The following TRHDE variants were observed in gnomAD, a reference collection of about 807,000 sequenced individuals.
TRHDE encodes thyrotropin-releasing hormone-degrading ectoenzyme.
In TRHDE, 72 loss-of-function variants were observed where a neutral mutation model predicts 125.7. The observed-to-expected ratio is 0.57, with a 90% CI of 0.47 to 0.70. The LOEUF (loss-of-function observed/expected upper bound fraction) is 0.70, where lower values mean the gene tolerates loss of function less well. TRHDE is among the 30% of genes least tolerant of loss of function. The pLI is 0.00. For synonymous variants in TRHDE, 509 were observed against 509.1 expected (o/e 1.00, Z 0.00); for missense variants, 1,110 against 1,327.1 (o/e 0.84, Z 2.54).
chr12:72,393,610 A>C (rs1348230523), intron 3 of TRHDE, among the ~76,000 whole-genome samples: 4 of 152,194 alleles, frequency 2.6e-5, no homozygotes, highest in East Asian at 1.9e-4. Flanking sequence ...TCTGTTGTCA[A>C]ACATATCAGT....
intron 2 of TRHDE, among the ~76,000 whole-genome samples, chr12:72,298,566 G>A (rs1449185093): frequency 6.6e-6 from 1 of 152,092 alleles, no homozygotes; most frequent in African/African-American, 2.4e-5. Flanking sequence ...ATCCAAGAGA[G>A]GTAGAATGTT....
At chr12:72,105,178 T>C (rs1371637248) in intron 1 of TRHDE, among the ~76,000 whole-genome samples, 1 of 152,118 alleles carries the variant, frequency 6.6e-6, no homozygotes, top group East Asian at 1.9e-4. Flanking sequence ...TCAGCAGCAG[T>C]ACAAGGAAGT....
chr12:72,483,284 G>T lies in TRHDE; in HGVS notation c.1584+10104G>T, dbSNP rs1450320506. Among the ~76,000 whole-genome samples the T allele has an allele frequency of 4.0e-5, 6 of 151,802 alleles. No homozygotes were observed. In the East Asian group the frequency reaches 1.2e-3, roughly 29 times the overall value. ...AGTAATGAATGCTACTTTACAGTTA[G>T]CCAGAATGAAGTTCAATTCCTTTTT... On this transcript the variant is annotated intron_variant, in intron 5 of 18. Coordinates refer to ENST00000261180, the MANE Select transcript of TRHDE (RefSeq NM_013381.3).
At chr12:72,452,277 C>T (rs1313191951) in intron 3 of TRHDE, among the ~76,000 whole-genome samples, 1 of 151,826 alleles carries the variant, frequency 6.6e-6, no homozygotes, top group Non-Finnish European at 1.5e-5. Flanking sequence ...CTACTGATTT[C>T]TGTATATTAA....
rs7137812 is a variant in TRHDE, at chr12:72,364,962, G to A, written c.1189-13033G>A. Among the ~76,000 whole-genome samples, 216 of 152,172 alleles carry A rather than the reference G, an allele frequency of 1.4e-3. 1 individual carries two copies. The highest frequency in any genetic ancestry group is 5.0e-3 in the African/African-American group (207 of 41,536). ...ACAAACAAATGAACAACCAAAAAGT[G>A]CAGTTCAATTTTCTACAAAAGAGGT... On this transcript the variant is annotated intron_variant, in intron 2 of 18. Transcript: ENST00000261180.
intron 3 of TRHDE, among the ~76,000 whole-genome samples, chr12:72,465,084 T>C (rs112856203): frequency 0.017 from 2,559 of 152,318 alleles, 29 homozygotes; most frequent in Non-Finnish European, 0.026. Context: ...GAGTTATGGG[T>C]ATACATTTTA....
In TRHDE at chr12:72,286,930, A is replaced by C. The variant is rs529783117; in HGVS notation, c.1164A>C (p.Glu388Asp). The change falls in exon 2 of 19, where the codon GAA becomes GAC. Residue 388 changes from glutamate (E) to aspartate (D), a missense_variant. Physicochemically the swap from Glu to Asp is conservative, Grantham distance 45. Transcript: ENST00000261180. The part of the protein sequence containing the change: ...AWAICNFTYR[E>D]TTTKSGVVVR... ...CAATTTGCAACTTCACATACAGAGA[A>C]ACTACCACCAAGAGTGGGGTTGTAG... The C allele has an allele frequency of 2.5e-6, 4 of 1,613,958 alleles. No homozygotes were observed. Among genetic ancestry groups the C allele is most frequent in the Non-Finnish European group, 3.4e-6 (4 of 1,179,954 alleles).
At chr12:72,266,368 G>A (rs1879069646) in intron 2 of TRHDE, among the ~76,000 whole-genome samples, 1 of 151,782 alleles carries the variant, frequency 6.6e-6, no homozygotes, top group South Asian at 2.1e-4. Context: ...GCATTGAAGA[G>A]GTAGATTCCT....
chr12:72,572,773 T>TAA (rs1870808948), intron 10 of TRHDE, among the ~76,000 whole-genome samples: 1 of 152,062 alleles, frequency 6.6e-6, no homozygotes, highest in Non-Finnish European at 1.5e-5. Flanking sequence ...ATATACATAT[T>TAA]AACTTAAATT....
intron 6 of TRHDE, among the ~76,000 whole-genome samples, chr12:72,526,453 A>G (rs772666940): frequency 2.0e-5 from 3 of 152,144 alleles, no homozygotes; most frequent in Admixed American, 6.5e-5. Context: ...TAAGCTCGTA[A>G]TTGATATTTT....
At chr12:72,374,229 T>C (rs1592398857) in intron 2 of TRHDE, among the ~76,000 whole-genome samples, 1 of 151,682 alleles carries the variant, frequency 6.6e-6, no homozygotes, top group African/African-American at 2.4e-5. Context: ...GGGTTGGGTA[T>C]GGACAGCTGG....
At chr12:72,553,468 G>T (rs748797296) in intron 7 of TRHDE, among the ~76,000 whole-genome samples, 6 of 152,082 alleles carry the variant, frequency 3.9e-5, no homozygotes, top group Non-Finnish European at 8.8e-5. Context: ...AGTAAGATTA[G>T]TGTCTTTATT....
chr12:72,372,488 G>A (rs968160429), intron 2 of TRHDE, among the ~76,000 whole-genome samples: 1 of 152,178 alleles, frequency 6.6e-6, no homozygotes, highest in African/African-American at 2.4e-5. Context: ...GAATGGTAAT[G>A]CCTAGGTTTT....
At chr12:72,494,894 T>G (rs945162435) in intron 5 of TRHDE, among the ~76,000 whole-genome samples, 6 of 151,988 alleles carry the variant, frequency 3.9e-5, no homozygotes, top group Non-Finnish European at 7.4e-5. Context: ...AGCACTCGCC[T>G]CTTATCTTAG....
intron 2 of TRHDE, among the ~76,000 whole-genome samples, chr12:72,112,632 A>T (rs184189675): frequency 1.2e-4 from 19 of 152,292 alleles, no homozygotes; most frequent in Admixed American, 2.6e-4. Context: ...ATTTGATCTC[A>T]TTGATATTTT....
chr12:72,282,638 A>G (rs1879738257), intron 1 of TRHDE, among the ~76,000 whole-genome samples: 1 of 152,218 alleles, frequency 6.6e-6, no homozygotes, highest in African/African-American at 2.4e-5. Flanking sequence ...TCTGCAAGAC[A>G]GCAGACAGGG....
At chr12:72,430,467 A>G (rs1326795163) in intron 3 of TRHDE, among the ~76,000 whole-genome samples, 1 of 149,604 alleles carries the variant, frequency 6.7e-6, no homozygotes, top group Non-Finnish European at 1.5e-5. Flanking sequence ...GTATATATAT[A>G]CACACATATA....
chr12:72,612,672 C>G (rs7309448), intron 12 of TRHDE, among the ~76,000 whole-genome samples: 61,661 of 151,684 alleles, frequency 0.41, 14,512 homozygotes, highest in African/African-American at 0.65. Flanking sequence ...TAAATTTAGA[C>G]CGTCTTTTCA....
At chr12:72,338,311 C>T (rs118049216) in intron 2 of TRHDE, among the ~76,000 whole-genome samples, 6 of 152,154 alleles carry the variant, frequency 3.9e-5, no homozygotes, top group Non-Finnish European at 8.8e-5. Flanking sequence ...TGTTATGTCA[C>T]GGTTAGGGTT....
Sources: allele counts gnomAD v4.1 joint callset (sites outside exome capture counted in the v4.1 genomes callset), GRCh38; gene constraint gnomAD v4.1.1; transcripts MANE v1.5; gene names NCBI Gene and HGNC (gene_info 2026-07-23, HGNC 2026-07-21).